TES: variants seen among roughly 807,000 people sequenced by gnomAD.
TES encodes testin LIM domain protein.
In TES, 41 loss-of-function variants were observed where a neutral mutation model predicts 48.2. The observed-to-expected ratio is 0.85, with a 90% confidence interval of 0.66 to 1.10. TES has a LOEUF of 1.10. TES is among the 50% of genes least tolerant of loss of function. The pLI is 0.00. For missense variants in TES, 463 were observed against 515.1 expected, an observed-to-expected ratio of 0.90 and a Z score of 0.98; for synonymous variants, 162 against 174.9, an observed-to-expected ratio of 0.93 and a Z score of 0.58.
intron 6 of TES, 101 bp downstream of exon 6, chr7:116,252,577 TC>T (rs1265513371): frequency 1.3e-6 from 2 of 1,568,742 alleles, no homozygotes; most frequent in Non-Finnish European, 1.8e-6. Flanking sequence ...AAAGCAGTCC[TC>T]CTAAGTAGAA....
chr7:116,225,398 T>C (rs1799610559), intron 1 of TES, among the ~76,000 whole-genome samples: 1 of 152,158 alleles, frequency 6.6e-6, no homozygotes, highest in Non-Finnish European at 1.5e-5. Flanking sequence ...TTAAGAAATG[T>C]AGGGATAGAT....
At chr7:116,228,074 A>T (rs1178628283) in intron 1 of TES, among the ~76,000 whole-genome samples, 1 of 148,794 alleles carries the variant, frequency 6.7e-6, no homozygotes, top group Non-Finnish European at 1.5e-5. Flanking sequence ...CAGAAGGGTC[A>T]CCTGAAATGT....
At chr7:116,250,857 A>G (rs541836097) in intron 4 of TES, among the ~76,000 whole-genome samples, 1 of 152,332 alleles carries the variant, frequency 6.6e-6, no homozygotes, top group South Asian at 2.1e-4. Context: ...ATAGGAATAT[A>G]TGCTTAGGTT....
Position 116,212,405 on chromosome 7 carries a change from G to A in TES, c.27+1671G>A, listed in dbSNP as rs558366743. On this transcript the variant is annotated intron_variant, in intron 1 of 6. Transcript: ENST00000358204. ...CCCTAATGTAAACTATGTATGTTGG[G>A]GATAATGATGTGTCAATGTGTTTCA... Among the ~76,000 whole-genome samples the A allele has an allele frequency of 3.9e-5, 6 of 152,188 alleles. No individual in the cohort carries two copies. In the East Asian group the frequency reaches 7.7e-4, roughly 20 times the overall value.
intron 1 of TES, among the ~76,000 whole-genome samples, chr7:116,226,438 G>A (rs1799622035): frequency 1.3e-5 from 2 of 152,166 alleles, no homozygotes; most frequent in African/African-American, 2.4e-5. Context: ...AAGAAGAGGA[G>A]CAGAGGTTCA....
At chr7:116,215,350 T>C (rs1799482290) in intron 1 of TES, among the ~76,000 whole-genome samples, 2 of 152,154 alleles carry the variant, frequency 1.3e-5, no homozygotes, top group African/African-American at 4.8e-5. Flanking sequence ...TTAAAGGAAT[T>C]ATATTTGAGG....
chr7:116,213,204 C>G (rs530739916), intron 1 of TES, among the ~76,000 whole-genome samples: 1 of 152,334 alleles, frequency 6.6e-6, no homozygotes, highest in African/African-American at 2.4e-5. Flanking sequence ...ATCTGATTTA[C>G]CAGCAGAGTC....
At position 116,217,039 on chromosome 7, in the gene TES, C is replaced by G. The variant is rs76841162; in HGVS notation, c.27+6305C>G. 8.9e-3 allele frequency among the ~76,000 whole-genome samples: 1,349 copies of G among 152,132 alleles called. 21 individuals carry two copies. The highest frequency in any genetic ancestry group is 0.031 in the African/African-American group (1,297 of 41,530). On this transcript the variant is annotated intron_variant, in intron 1 of 6. Coordinates refer to ENST00000358204, the MANE Select transcript of TES (RefSeq NM_015641.4). ...AGTTGTGAACAAGAATGACACTGAA[C>G]TTAAGCTTGTATCATAGAATTATGC...
intron 1 of TES, chr7:116,211,528 G>C (rs1799439234): frequency 6.6e-6 from 1 of 152,278 alleles, no homozygotes; most frequent in African/African-American, 2.4e-5. Flanking sequence ...AAAGGGTGGG[G>C]ACCAGACTAT....
At chr7:116,235,001 G>T (rs1408538551) in intron 2 of TES, among the ~76,000 whole-genome samples, 2 of 152,224 alleles carry the variant, frequency 1.3e-5, no homozygotes, top group Admixed American at 1.3e-4. Flanking sequence ...CTGGAGTGCA[G>T]TGGTGTGATC....
Position 116,258,751 on chromosome 7 carries a change from A to G in TES, c.*1269A>G. The G allele has an allele frequency of 6.6e-6, 1 of 152,622 alleles. No homozygotes were observed. The highest frequency in any genetic ancestry group is 2.4e-5 in the African/African-American group (1 of 41,462). 9.5% of individuals were successfully genotyped at this position (152,622 alleles called of 1,614,324 possible). A position where few individuals can be genotyped will look rare whatever the true frequency, so the allele number is the denominator to read the frequency against. Reference sequence around the variant, plus strand: ...AAATTAAATGGAATGAATGATATGTATATTACTCAAAATAAAGTTTCTTTC... The same window carrying G: ...AAATTAAATGGAATGAATGATATGTGTATTACTCAAAATAAAGTTTCTTTC... On this transcript the variant is annotated 3_prime_UTR_variant, in exon 7 of 7. Coordinates refer to ENST00000358204, the MANE Select transcript of TES (RefSeq NM_015641.4).
At chr7:116,222,910 G>A in intron 1 of TES, 1 of 933,004 alleles carries the variant, frequency 1.1e-6, no homozygotes, top group Non-Finnish European at 1.3e-6. Context: ...TTCAGCTGCA[G>A]TCATTGCTTA....
intron 1 of TES, among the ~76,000 whole-genome samples, chr7:116,215,060 G>A (rs553041137): frequency 5.3e-5 from 8 of 152,286 alleles, no homozygotes; most frequent in African/African-American, 1.7e-4. Flanking sequence ...TTACACTTAC[G>A]TGGTTATTTT....
chr7:116,224,256 C>G (rs1799593586), intron 1 of TES, among the ~76,000 whole-genome samples: 1 of 152,166 alleles, frequency 6.6e-6, no homozygotes, highest in Non-Finnish European at 1.5e-5. Context: ...CTTCCAAATT[C>G]CTGACACACA....
chr7:116,237,749 C>G (rs1322909446), intron 2 of TES, among the ~76,000 whole-genome samples: 1 of 152,158 alleles, frequency 6.6e-6, no homozygotes, highest in Non-Finnish European at 1.5e-5. Context: ...GATCAGGTGC[C>G]AACATGGTTG....
intron 1 of TES, among the ~76,000 whole-genome samples, chr7:116,217,224 A>G (rs952789446): frequency 6.6e-6 from 1 of 152,204 alleles, no homozygotes; most frequent in Non-Finnish European, 1.5e-5. Flanking sequence ...TGGTTTTGCA[A>G]ACTTTGTAAT....
chr7:116,228,008 G>GTTTTTTTTTTTTTTT (rs77777605), intron 1 of TES, among the ~76,000 whole-genome samples: 3 of 122,966 alleles, frequency 2.4e-5, no homozygotes, highest in Non-Finnish European at 3.5e-5. Context: ...TCTTTTTTTT[G>GTTTTTTTTTTTTTTT]TTTTTTTTTT....
chr7:116,256,471 T>C (rs1438886333), intron 6 of TES, among the ~76,000 whole-genome samples: 4 of 152,226 alleles, frequency 2.6e-5, no homozygotes, highest in Non-Finnish European at 5.9e-5. Flanking sequence ...ATGTATAAAC[T>C]ATAAGGCATG....
intron 1 of TES, among the ~76,000 whole-genome samples, chr7:116,229,202 C>T (rs892982231): frequency 6.6e-6 from 1 of 151,842 alleles, no homozygotes; most frequent in Admixed American, 6.6e-5. Flanking sequence ...GCCACTCTCT[C>T]TCGCACCCTG....
Sources: allele counts gnomAD v4.1 joint callset (sites outside exome capture counted in the v4.1 genomes callset), GRCh38; gene constraint gnomAD v4.1.1; transcripts MANE v1.5; gene names NCBI Gene and HGNC (gene_info 2026-07-23, HGNC 2026-07-21).